Variants in CCNC observed in about 807,000 individuals in gnomAD.
CCNC encodes the protein cyclin-C.
A neutral mutation model predicts 50.0 loss-of-function variants in CCNC; 19 were observed. The ratio of observed to expected loss-of-function variants is 0.38; its 90% confidence interval spans 0.27 to 0.56. The LOEUF (loss-of-function observed/expected upper bound fraction) is 0.56, where lower values mean the gene tolerates loss of function less well. Ranked by LOEUF, CCNC falls within the 20% of genes least tolerant of loss-of-function variation. The pLI is 0.72. For synonymous variants in CCNC, 93 were observed against 103.7 expected, an observed-to-expected ratio of 0.90 and a Z score of 0.63; for missense variants, 200 against 327.1, an observed-to-expected ratio of 0.61 and a Z score of 3.00.
At chr6:99,558,237 T>A (rs1802622968) in intron 5 of CCNC, 2 of 434,672 alleles carry the variant, frequency 4.6e-6, no homozygotes, top group African/African-American at 4.1e-5. Flanking sequence ...CTTACAAGAT[T>A]AAAAGCCACT....
intron 5 of CCNC, 38 bp from the exon 6 acceptor site, chr6:99,551,933 G>A: frequency 1.5e-6 from 2 of 1,305,940 alleles, no homozygotes; most frequent in Non-Finnish European, 2.1e-6. Context: ...CTGAGAAAAT[G>A]GGAAATAAAT....
intron 9 of CCNC, among the ~76,000 whole-genome samples, chr6:99,548,299 C>T (rs1231332060): frequency 6.6e-6 from 1 of 152,076 alleles, no homozygotes; most frequent in Non-Finnish European, 1.5e-5. Context: ...CTATGCAGAT[C>T]CCAGTATTCC....
intron 4 of CCNC, among the ~76,000 whole-genome samples, chr6:99,559,876 C>T (rs1467260421): frequency 2.0e-5 from 3 of 152,006 alleles, no homozygotes; most frequent in African/African-American, 4.8e-5. Context: ...TCTGCCACCA[C>T]ATCCGGCTAA....
intron 6 of CCNC, 57 bp downstream of exon 6, chr6:99,551,783 A>C: frequency 9.2e-7 from 1 of 1,082,088 alleles, no homozygotes; most frequent in Non-Finnish European, 1.3e-6. Context: ...CTAATATAAA[A>C]TAGAGCTAGT....
intron 1 of CCNC, among the ~76,000 whole-genome samples, chr6:99,563,238 G>A (rs1040602194): frequency 6.6e-5 from 10 of 152,152 alleles, no homozygotes; most frequent in African/African-American, 2.4e-4. Context: ...AATCTGTGAT[G>A]CCTTCGTGTT....
chr6:99,553,916 C>T (rs1409181171), intron 5 of CCNC, among the ~76,000 whole-genome samples: 1 of 152,128 alleles, frequency 6.6e-6, no homozygotes. Flanking sequence ...CAATTACTGA[C>T]CCAATATTGA....
chr6:99,546,522 G>T, intron 9 of CCNC, 48 bp from the exon 10 acceptor site: 2 of 1,161,116 alleles, frequency 1.7e-6, no homozygotes, highest in Non-Finnish European at 2.6e-6. Flanking sequence ...TGCAAACACA[G>T]AATATATGAT....
intron 1 of CCNC, chr6:99,568,168 C>T: frequency 2.5e-6 from 1 of 398,880 alleles, no homozygotes; most frequent in Non-Finnish European, 4.7e-6. Context: ...CTGAGTCACA[C>T]TTCCCGTACC....
Position 99,561,601 on chromosome 6 carries a change from C to A in CCNC, c.220G>T (p.Ala74Ser), listed in dbSNP as rs1197099039. The A allele has an allele frequency of 6.3e-7, 1 of 1,597,944 alleles. No individual in the cohort carries two copies. Among genetic ancestry groups the A allele is most frequent in the African/African-American group, 1.3e-5 (1 of 74,630 alleles). ...ATAAAATAAAAACAATCCTACCTGG[C>A]ATAGAATCTCTTGAAATATACCGTA... ...TATVYFKRFY[A>S]RYSLKSIDPV... Residue 74 changes from alanine to serine, a missense_variant, in exon 3 of 12, where the codon GCC (alanine) becomes TCC (serine). By Grantham distance (99) the Ala-to-Ser change is moderately conservative. Coordinates refer to ENST00000520429, the MANE Select transcript of CCNC (RefSeq NM_005190.4).
chr6:99,552,782 C>A (rs1034632383), intron 5 of CCNC, among the ~76,000 whole-genome samples: 2 of 152,188 alleles, frequency 1.3e-5, no homozygotes, highest in African/African-American at 2.4e-5. Flanking sequence ...GTGGCTCATG[C>A]CTGTAATCCC....
rs62432349 is a variant in CCNC, at chr6:99,556,812, C to G, written c.346+1685G>C. On this transcript the variant is annotated intron_variant, in intron 5 of 11. Transcript: ENST00000520429. Reference sequence around the variant, plus strand: ...GGCACACACCTGTAATCCCAGCTACCAGGGAGGATGAGGCAGGAGAATCGC... The same window carrying G: ...GGCACACACCTGTAATCCCAGCTACGAGGGAGGATGAGGCAGGAGAATCGC... 2.0e-3 allele frequency among the ~76,000 whole-genome samples: 308 copies of G among 152,146 alleles called. 3 individuals are homozygous for G. The highest frequency in any genetic ancestry group is 6.3e-3 in the African/African-American group (260 of 41,512).
chr6:99,558,584 G>A, intron 4 of CCNC, 36 bp from the exon 5 acceptor site: 1 of 1,557,794 alleles, frequency 6.4e-7, no homozygotes, highest in Non-Finnish European at 8.7e-7. Context: ...TTAACCCAAT[G>A]AATCTAAGGG....
chr6:99,553,787 CTGTT>C (rs1562490497), intron 5 of CCNC, among the ~76,000 whole-genome samples: 1 of 152,162 alleles, frequency 6.6e-6, no homozygotes, highest in African/African-American at 2.4e-5. Flanking sequence ...AAATAAATGT[CTGTT>C]GTGAAAGCCA....
intron 11 of CCNC, chr6:99,543,828 CA>C (rs1049954957): frequency 1.0e-5 from 14 of 1,371,446 alleles, no homozygotes; most frequent in African/African-American, 1.5e-5. Context: ...TCACATATAA[CA>C]AGCATTCTGG....
At chr6:99,551,417 T>C (rs1368380281) in intron 6 of CCNC, among the ~76,000 whole-genome samples, 4 of 152,146 alleles carry the variant, frequency 2.6e-5, no homozygotes, top group Admixed American at 1.3e-4. Flanking sequence ...ACAAATCCCT[T>C]GCAAGGTGGA....
At chr6:99,564,472 T>C (rs193007707) in intron 1 of CCNC, among the ~76,000 whole-genome samples, 1 of 151,494 alleles carries the variant, frequency 6.6e-6, no homozygotes, top group East Asian at 1.9e-4. Context: ...CACTTTTAAA[T>C]ACTTTGTAAC....
At position 99,562,833 on chromosome 6, in the gene CCNC, A is replaced by T; in HGVS notation, c.139+9T>A. ...TATACAATTTGAACCAATTTTTAAA[A>T]AAGTTTACCATTTGTAAAAAATATT... On this transcript the variant is annotated intron_variant, in intron 2 of 11. Transcript: ENST00000520429. 1 of 1,492,176 alleles carries T rather than the reference A, an allele frequency of 6.7e-7. No homozygotes were observed. 92.4% of individuals were successfully genotyped at this position (1,492,176 alleles called of 1,614,324 possible).
chr6:99,554,959 T>A (rs1271369157), intron 5 of CCNC, among the ~76,000 whole-genome samples: 1 of 152,230 alleles, frequency 6.6e-6, no homozygotes, highest in Non-Finnish European at 1.5e-5. Flanking sequence ...CCATCTATAT[T>A]GTATTAAGGT....
At chr6:99,559,968 C>T (rs1303268545) in intron 4 of CCNC, among the ~76,000 whole-genome samples, 2 of 152,040 alleles carry the variant, frequency 1.3e-5, no homozygotes, top group Non-Finnish European at 2.9e-5. Flanking sequence ...GATCCACCCG[C>T]CTGAGCCTCC....
Sources: gnomAD v4.1 joint callset for allele counts (sites outside exome capture counted in the v4.1 genomes callset) on GRCh38, gnomAD v4.1.1 for gene constraint, MANE v1.5 for transcripts, NCBI Gene and HGNC (gene_info 2026-07-23, HGNC 2026-07-21) for gene names.